The following CERS6 variants were observed in gnomAD, a reference collection of about 807,000 sequenced individuals.
The protein encoded by CERS6 is LAG1 homolog, ceramide synthase 6.
CERS6 carries 26 observed loss-of-function variants against 56.8 expected under a neutral mutation model. The observed-to-expected ratio is 0.46, with a 90% CI of 0.34 to 0.63. The LOEUF is 0.63. CERS6 is among the 30% of genes least tolerant of loss of function. The pLI is 0.01. For synonymous variants in CERS6, 164 were observed against 173.3 expected, an observed-to-expected ratio of 0.95 and a Z score of 0.42; for missense variants, 415 against 467.5, an observed-to-expected ratio of 0.89 and a Z score of 1.04.
intron 3 of CERS6, among the ~76,000 whole-genome samples, chr2:168,576,847 T>C (rs1683284136): frequency 6.6e-6 from 1 of 152,182 alleles, no homozygotes; most frequent in African/African-American, 2.4e-5. Context: ...AGATTGGTTG[T>C]GTGGTATGAG....
chr2:168,661,875 T>A (rs13384233), intron 4 of CERS6, among the ~76,000 whole-genome samples: 20,896 of 152,278 alleles, frequency 0.14, 1,515 homozygotes, highest in Non-Finnish European at 0.16. Flanking sequence ...ACACTGGTAG[T>A]GCATTTTGAT....
intron 1 of CERS6, among the ~76,000 whole-genome samples, chr2:168,490,214 A>G (rs1256186711): frequency 1.3e-5 from 2 of 152,136 alleles, no homozygotes; most frequent in Non-Finnish European, 2.9e-5. Context: ...GAAGCCAGGA[A>G]TTGTGCTGAT....
chr2:168,557,452 A>G (rs529433375), intron 2 of CERS6, among the ~76,000 whole-genome samples: 1 of 152,332 alleles, frequency 6.6e-6, no homozygotes, highest in African/African-American at 2.4e-5. Flanking sequence ...AAATTCATTT[A>G]GAAAAAGTAT....
At chr2:168,472,421 A>C (rs76739927) in intron 1 of CERS6, among the ~76,000 whole-genome samples, 3,024 of 152,278 alleles carry the variant, frequency 0.02, 73 homozygotes, top group African/African-American at 0.053. Flanking sequence ...ATTCCACTTA[A>C]GGAATAGTAG....
chr2:168,621,942 T>A (rs569702790), intron 3 of CERS6, among the ~76,000 whole-genome samples: 17 of 152,328 alleles, frequency 1.1e-4, no homozygotes, highest in African/African-American at 3.6e-4. Context: ...CATATGACGT[T>A]TCTAAGTATG....
chr2:168,459,561 A>G (rs1320903799), intron 1 of CERS6, among the ~76,000 whole-genome samples: 1 of 152,076 alleles, frequency 6.6e-6, no homozygotes, highest in Non-Finnish European at 1.5e-5. Context: ...TAGCCTTTAT[A>G]CCATACTTAA....
At chr2:168,523,968 T>C (rs1023090776) in intron 1 of CERS6, among the ~76,000 whole-genome samples, 6 of 152,212 alleles carry the variant, frequency 3.9e-5, no homozygotes, top group African/African-American at 1.4e-4. Context: ...CTCTTCAGAC[T>C]TGTCTGTTCT....
intron 8 of CERS6, among the ~76,000 whole-genome samples, chr2:168,748,333 A>G (rs1015917564): frequency 1.3e-5 from 2 of 152,376 alleles, no homozygotes; most frequent in East Asian, 3.9e-4. Flanking sequence ...AGTTAAACTC[A>G]GTATAACTGG....
At chr2:168,513,749 C>T (rs989588504) in intron 1 of CERS6, among the ~76,000 whole-genome samples, 5 of 152,190 alleles carry the variant, frequency 3.3e-5, no homozygotes, top group African/African-American at 1.2e-4. Flanking sequence ...TAGCAGCTGA[C>T]ACTTAAGGAA....
chr2:168,497,443 C>T (rs1694493465), intron 1 of CERS6, among the ~76,000 whole-genome samples: 1 of 151,998 alleles, frequency 6.6e-6, no homozygotes, highest in Admixed American at 6.6e-5. Context: ...AGATAGATAC[C>T]TAAGTACTTG....
intron 4 of CERS6, among the ~76,000 whole-genome samples, chr2:168,644,764 A>G (rs114601281): frequency 0.012 from 1,859 of 152,178 alleles, 19 homozygotes; most frequent in African/African-American, 0.03. Context: ...TTAAAAAGAG[A>G]AAGAAGAGAT....
At chr2:168,741,704 G>C (rs1196342223) in intron 8 of CERS6, among the ~76,000 whole-genome samples, 1 of 152,150 alleles carries the variant, frequency 6.6e-6, no homozygotes, top group African/African-American at 2.4e-5. Context: ...AATAAGTAAG[G>C]AAAATGTTTA....
chr2:168,516,230 C>T (rs777363344), intron 1 of CERS6, among the ~76,000 whole-genome samples: 1 of 152,174 alleles, frequency 6.6e-6, no homozygotes, highest in Admixed American at 6.6e-5. Context: ...GAGAACCAGA[C>T]TCACCCACCA....
At chr2:168,517,423 C>T (rs560849012) in intron 1 of CERS6, among the ~76,000 whole-genome samples, 111 of 151,580 alleles carry the variant, frequency 7.3e-4, no homozygotes, top group Non-Finnish European at 1.1e-3. Context: ...ACCCAGGAAG[C>T]GGAGGTCACA....
chr2:168,518,692 GT>G (rs1694925708), intron 1 of CERS6, among the ~76,000 whole-genome samples: 1 of 152,124 alleles, frequency 6.6e-6, no homozygotes, highest in Non-Finnish European at 1.5e-5. Context: ...CTACAGCTGT[GT>G]CTGTAGGGCC....
intron 1 of CERS6, among the ~76,000 whole-genome samples, chr2:168,509,605 A>G (rs1168711314): frequency 3.9e-5 from 6 of 152,232 alleles, no homozygotes; most frequent in Non-Finnish European, 7.3e-5. Context: ...TGTCGGGTTA[A>G]TCATGTCTGA....
At position 168,456,568 on chromosome 2, in the gene CERS6, C is replaced by A. The variant is rs370496976; in HGVS notation, c.120C>A (p.Leu40=). ...TCCCGCAGGCTGAGGACCTCTATCTCGCTTTTCCCCTGGCCTTCTGTATCT... is the reference window on the plus strand; with the variant it reads ...TCCCGCAGGCTGAGGACCTCTATCTAGCTTTTCCCCTGGCCTTCTGTATCT... The part of the protein sequence containing the change: ...ATFPQAEDLY[L]AFPLAFCIFM... Residue 40 remains leucine, a synonymous_variant, in exon 1 of 10, where the codon CTC becomes CTA. Transcript: ENST00000305747. The surrounding 1 kb of genome is among the most constrained non-coding windows in gnomAD (Gnocchi z 4.1). 6.2e-7 allele frequency: 1 copy of A among 1,613,960 alleles called. No homozygotes were observed. Among genetic ancestry groups the A allele is most frequent in the Non-Finnish European group, 8.5e-7 (1 of 1,179,950 alleles).
chr2:168,670,976 C>CCCCT (rs1553506493), intron 4 of CERS6, among the ~76,000 whole-genome samples: 1 of 75,826 alleles, frequency 1.3e-5, no homozygotes, highest in Non-Finnish European at 4.5e-5. Context: ...TCCCCCCCCC[C>CCCCT]CCCCAGACGG....
At chr2:168,645,760 A>G (rs1457960434) in intron 4 of CERS6, among the ~76,000 whole-genome samples, 1 of 152,190 alleles carries the variant, frequency 6.6e-6, no homozygotes, top group African/African-American at 2.4e-5. Context: ...GTCATCACTT[A>G]GCTTCCACCT....
Sources: gnomAD v4.1 joint callset for allele counts (sites outside exome capture counted in the v4.1 genomes callset) on GRCh38, gnomAD v4.1.1 for gene constraint, Gnocchi (gnomAD v3.1) non-coding constraint, MANE v1.5 for transcripts, NCBI Gene and HGNC (gene_info 2026-07-23, HGNC 2026-07-21) for gene names.